Variants in TGFBRAP1 observed in about 807,000 individuals in gnomAD.
TGFBRAP1 encodes transforming growth factor-beta receptor-associated protein 1.
A neutral mutation model predicts 83.2 loss-of-function variants in TGFBRAP1; 20 were observed. That is an observed-to-expected ratio of 0.24 (90% CI 0.17 to 0.35). The LOEUF (loss-of-function observed/expected upper bound fraction) is 0.35. Ranked by LOEUF, TGFBRAP1 falls within the 10% of genes least tolerant of loss-of-function variation. TGFBRAP1 has a pLI of 1.00. For synonymous variants in TGFBRAP1, 415 were observed against 459.8 expected (o/e 0.90, Z 1.25); for missense variants, 950 against 1,099.4 (o/e 0.86, Z 1.92).
At chr2:105,309,319 G>A (rs1678620187) in intron 1 of TGFBRAP1, among the ~76,000 whole-genome samples, 5 of 152,208 alleles carry the variant, frequency 3.3e-5, no homozygotes, top group Admixed American at 2.6e-4. Flanking sequence ...AGGGCAGCTG[G>A]CTGGGCTTGC....
At chr2:105,256,867 A>C in the TGFBRAP1 span, among the ~76,000 whole-genome samples, 2 of 152,222 alleles carry the variant, frequency 1.3e-5, no homozygotes, top group South Asian at 2.1e-4. Flanking sequence ...TGCAGTAAAG[A>C]AGCAGCTAAA....
At chr2:105,299,622 C>T (rs1678215864) in intron 2 of TGFBRAP1, among the ~76,000 whole-genome samples, 1 of 151,802 alleles carries the variant, frequency 6.6e-6, no homozygotes, top group Non-Finnish European at 1.5e-5. Flanking sequence ...GGACCTGGGG[C>T]AGTGGTGCGT....
intron 1 of TGFBRAP1, among the ~76,000 whole-genome samples, chr2:105,308,985 T>G (rs568357313): frequency 2.0e-5 from 3 of 152,164 alleles, no homozygotes; most frequent in African/African-American, 7.2e-5. Context: ...AATGTATTCA[T>G]GTGGAGAGTA....
At chr2:105,319,026 T>C (rs1386764422) in intron 1 of TGFBRAP1, among the ~76,000 whole-genome samples, 1 of 152,008 alleles carries the variant, frequency 6.6e-6, no homozygotes, top group East Asian at 1.9e-4. Flanking sequence ...TAAAAAAAAG[T>C]CACAGCAGGA....
chr2:105,296,448 G>C lies in TGFBRAP1; in HGVS notation c.946C>G (p.Gln316Glu). ...YILVPLPLEK[Q>E]IQDLLASRRV... ...CGGCTTGCTAGAAGATCCTGTATTTGTTTTTCCAAAGGTAATGGAACCAAG... is the reference window on the plus strand; with the variant it reads ...CGGCTTGCTAGAAGATCCTGTATTTCTTTTTCCAAAGGTAATGGAACCAAG... Residue 316 changes from glutamine to glutamate, a missense_variant, in exon 4 of 12, where the codon CAA becomes GAA. Gln to Glu is a conservative substitution (Grantham distance 29). Coordinates refer to ENST00000393359, the MANE Select transcript of TGFBRAP1 (RefSeq NM_004257.6). 6.2e-7 allele frequency: 1 copy of C among 1,613,940 alleles called. No individual in the cohort carries two copies. The highest frequency in any genetic ancestry group is 8.5e-7 in the Non-Finnish European group (1 of 1,179,972).
chr2:105,300,317 G>T (rs1049808051), intron 2 of TGFBRAP1, among the ~76,000 whole-genome samples: 1 of 152,036 alleles, frequency 6.6e-6, no homozygotes, highest in Non-Finnish European at 1.5e-5. Context: ...ACTTAAGAAG[G>T]TTGGTTCATT....
the TGFBRAP1 span, among the ~76,000 whole-genome samples, chr2:105,258,062 C>T: frequency 1.2e-3 from 182 of 152,320 alleles, no homozygotes; most frequent in Non-Finnish European, 2.1e-3. Context: ...CTTGATGAGT[C>T]CCTCAGTCCC....
At chr2:105,255,254 C>T in the TGFBRAP1 span, among the ~76,000 whole-genome samples, 1 of 152,178 alleles carries the variant, frequency 6.6e-6, no homozygotes, top group African/African-American at 2.4e-5. Flanking sequence ...GGACAGACTG[C>T]CCCTCCCAGC....
chr2:105,294,655 C>T (rs994980040), intron 4 of TGFBRAP1, among the ~76,000 whole-genome samples: 9 of 151,864 alleles, frequency 5.9e-5, no homozygotes, highest in Non-Finnish European at 1.3e-4. Context: ...CAGGGAGAAG[C>T]GGGAAGCAGG....
chr2:105,328,731 C>T (rs984486895), intron 1 of TGFBRAP1, among the ~76,000 whole-genome samples: 10 of 152,222 alleles, frequency 6.6e-5, no homozygotes, highest in African/African-American at 2.4e-4. Flanking sequence ...TTAAACTCTG[C>T]TCAGACATGT....
At chr2:105,290,422 A>G (rs1677863763) in intron 4 of TGFBRAP1, among the ~76,000 whole-genome samples, 1 of 152,102 alleles carries the variant, frequency 6.6e-6, no homozygotes, top group Non-Finnish European at 1.5e-5. Context: ...TGGGCTATTC[A>G]TATTTCTTTC....
intron 5 of TGFBRAP1, among the ~76,000 whole-genome samples, chr2:105,284,017 C>T (rs1030621698): frequency 2.6e-5 from 4 of 152,142 alleles, no homozygotes; most frequent in Non-Finnish European, 4.4e-5. Flanking sequence ...GCTATCAGAT[C>T]CGCTCTTTAG....
chr2:105,308,899 C>T (rs763965992), intron 1 of TGFBRAP1, among the ~76,000 whole-genome samples: 2 of 152,208 alleles, frequency 1.3e-5, no homozygotes, highest in Non-Finnish European at 2.9e-5. Flanking sequence ...CCAGGAACAC[C>T]GAGGCAGACG....
At chr2:105,286,700 G>A (rs968742171) in intron 4 of TGFBRAP1, among the ~76,000 whole-genome samples, 2 of 152,150 alleles carry the variant, frequency 1.3e-5, no homozygotes, top group African/African-American at 4.8e-5. Context: ...CCAAACACCT[G>A]GCTTCCGGCA....
intron 7 of TGFBRAP1, among the ~76,000 whole-genome samples, chr2:105,276,800 T>C (rs903366655): frequency 2.6e-5 from 4 of 152,190 alleles, no homozygotes; most frequent in African/African-American, 9.7e-5. Flanking sequence ...GTTGTTCTGC[T>C]CTGCAATCAG....
chr2:105,315,796 T>C (rs1678836578), intron 1 of TGFBRAP1, among the ~76,000 whole-genome samples: 1 of 152,210 alleles, frequency 6.6e-6, no homozygotes, highest in Non-Finnish European at 1.5e-5. Context: ...TCAGCAGTTT[T>C]TTATAAACTT....
chr2:105,283,743 G>A (rs1677621118), intron 5 of TGFBRAP1, among the ~76,000 whole-genome samples: 1 of 152,176 alleles, frequency 6.6e-6, no homozygotes, highest in Non-Finnish European at 1.5e-5. Flanking sequence ...GGAAAGGGGA[G>A]AACACAATCA....
chr2:105,253,346 T>G, the TGFBRAP1 span, among the ~76,000 whole-genome samples: 1 of 152,140 alleles, frequency 6.6e-6, no homozygotes, highest in Non-Finnish European at 1.5e-5. Flanking sequence ...TTGGCCAGGT[T>G]GGGCTTAAAC....
Position 105,307,884 on chromosome 2 carries a change from T to C in TGFBRAP1, c.418A>G (p.Ile140Val), listed in dbSNP as rs769596022. The C allele has an allele frequency of 1.2e-6, 2 of 1,614,034 alleles. No homozygotes were observed. Among genetic ancestry groups the C allele is most frequent in the African/African-American group, 2.7e-5 (2 of 74,898 alleles). The part of the protein sequence containing the change: ...SGDPFCVEVC[I>V]ISVKRRTIQM... ...ATGGTTCTGCGTTTGACAGAGATGA[T>C]GCAAACTTCTACACAGAAGGGGTCC... The change falls in exon 2 of 12, where the codon ATC becomes GTC. Residue 140 changes from isoleucine (I) to valine (V), a missense_variant. By Grantham distance (29) the Ile-to-Val change is conservative. Coordinates refer to ENST00000393359, the MANE Select transcript of TGFBRAP1 (RefSeq NM_004257.6).
Sources: gnomAD v4.1 joint callset for allele counts (sites outside exome capture counted in the v4.1 genomes callset) on GRCh38, gnomAD v4.1.1 for gene constraint, MANE v1.5 for transcripts, NCBI Gene and HGNC (gene_info 2026-07-23, HGNC 2026-07-21) for gene names.